The following CASP6 variants were observed in gnomAD, a reference collection of about 807,000 sequenced individuals.
CASP6 encodes the protein caspase 6.
A neutral mutation model predicts 31.8 loss-of-function variants in CASP6; 20 were observed. The ratio of observed to expected loss-of-function variants is 0.63; its 90% CI spans 0.44 to 0.91. The LOEUF is 0.91. Ranked by LOEUF, CASP6 falls within the 40% of genes least tolerant of loss-of-function variation. CASP6 has a pLI of 0.00. For missense variants in CASP6, 328 were observed against 361.1 expected, an observed-to-expected ratio of 0.91 and a Z score of 0.74; for synonymous variants, 130 against 127.8, an observed-to-expected ratio of 1.02 and a Z score of -0.12.
chr4:109,703,668 A>C (rs923039361), upstream of CASP6: 11 of 532,732 alleles, frequency 2.1e-5, no homozygotes, highest in Admixed American at 1.3e-4. Flanking sequence ...GCCCGCTGGG[A>C]CTAACCGTGC....
At chr4:109,696,576 G>A (rs1266802814) in intron 3 of CASP6, 90 bp from the exon 4 acceptor site, 16 of 796,760 alleles carry the variant, frequency 2.0e-5, no homozygotes, top group South Asian at 1.7e-4. Flanking sequence ...ACATTTTAAC[G>A]ACACATAAAT....
At chr4:109,705,844 G>A (rs1329581405), upstream of CASP6, among the ~76,000 whole-genome samples, 1 of 147,156 alleles carries the variant, frequency 6.8e-6, no homozygotes, top group Non-Finnish European at 1.5e-5. Context: ...GCCAAGAGTG[G>A]TGGCACATGC....
At chr4:109,684,843 G>T (rs544903627), downstream of CASP6, 2 of 496,372 alleles carry the variant, frequency 4.0e-6, no homozygotes, top group East Asian at 6.5e-5. Context: ...CTTCTTTGGA[G>T]AAGTAATTAG....
At chr4:109,693,897 C>A (rs1322443916) in intron 5 of CASP6, among the ~76,000 whole-genome samples, 2 of 151,912 alleles carry the variant, frequency 1.3e-5, no homozygotes, top group East Asian at 2.0e-4. Context: ...TGCCACCATG[C>A]CCAGCTAATT....
At chr4:109,670,582 G>A in the CASP6 span, among the ~76,000 whole-genome samples, 1 of 151,956 alleles carries the variant, frequency 6.6e-6, no homozygotes, top group Admixed American at 6.6e-5. Flanking sequence ...TGGGCATGGG[G>A]GCAGGTGCCT....
the CASP6 span, among the ~76,000 whole-genome samples, chr4:109,674,915 A>G: frequency 6.6e-6 from 1 of 152,274 alleles, no homozygotes; most frequent in Non-Finnish European, 1.5e-5. Context: ...CAAATTACCT[A>G]TAACGGATTT....
At chr4:109,687,567 TAGA>T (rs1289958094), downstream of CASP6, 4 of 1,610,488 alleles carry the variant, frequency 2.5e-6, no homozygotes, top group Non-Finnish European at 3.4e-6. Flanking sequence ...CAAATGCAAG[TAGA>T]AGAACTCAAT....
downstream of CASP6, chr4:109,685,105 A>G (rs1250903560): frequency 1.9e-6 from 1 of 534,760 alleles, no homozygotes; most frequent in South Asian, 3.0e-5. Flanking sequence ...GTGTTGGCTT[A>G]TGCTTACTCT....
At chr4:109,706,001 AATAT>A (rs58700813), upstream of CASP6, among the ~76,000 whole-genome samples, 2,653 of 31,554 alleles carry the variant, frequency 0.084, 137 homozygotes, top group South Asian at 0.098. Context: ...AAAAAAAAAA[AATAT>A]ATATATATAT....
At chr4:109,678,787 G>GA in the CASP6 span, among the ~76,000 whole-genome samples, 1 of 147,446 alleles carries the variant, frequency 6.8e-6, no homozygotes, top group South Asian at 2.2e-4. Context: ...CAGACGATGG[G>GA]TGGCCGGGCA....
intron 1 of CASP6, 96 bp from the exon 2 acceptor site, chr4:109,698,438 A>G: frequency 9.7e-7 from 1 of 1,030,690 alleles, no homozygotes; most frequent in Non-Finnish European, 1.4e-6. Context: ...CAAACTCTTA[A>G]GACCCTTCTG....
intron 2 of CASP6, 71 bp downstream of exon 2, chr4:109,698,225 TCTTG>T (rs1479100149): frequency 6.7e-7 from 1 of 1,489,138 alleles, no homozygotes; most frequent in African/African-American, 1.4e-5. Context: ...CAGGACCCAT[TCTTG>T]CTTTGATTTC....
chr4:109,690,046 G>A (rs556705394), intron 6 of CASP6, among the ~76,000 whole-genome samples: 71 of 151,698 alleles, frequency 4.7e-4, no homozygotes, highest in East Asian at 5.8e-4. Flanking sequence ...TTAGCTTGGC[G>A]TGGTGGCAGG....
At chr4:109,666,678 G>C in the CASP6 span, among the ~76,000 whole-genome samples, 1 of 152,184 alleles carries the variant, frequency 6.6e-6, no homozygotes, top group East Asian at 1.9e-4. Context: ...TTGGGATAAC[G>C]GTCTTGTATC....
the CASP6 span, among the ~76,000 whole-genome samples, chr4:109,680,781 C>A: frequency 1.3e-5 from 2 of 152,190 alleles, no homozygotes; most frequent in Admixed American, 1.3e-4. Flanking sequence ...AGACATATGT[C>A]TCTCTTGTCT....
upstream of CASP6, among the ~76,000 whole-genome samples, chr4:109,704,101 C>T (rs991252009): frequency 6.6e-6 from 1 of 152,222 alleles, no homozygotes; most frequent in African/African-American, 2.4e-5. Flanking sequence ...TCCCTTCTCT[C>T]TCCCCCTCCT....
At chr4:109,664,812 A>G in the CASP6 span, among the ~76,000 whole-genome samples, 1 of 152,182 alleles carries the variant, frequency 6.6e-6, no homozygotes, top group Non-Finnish European at 1.5e-5. Context: ...TTAGTCCCGT[A>G]TACTCTTTTT....
intron 5 of CASP6, among the ~76,000 whole-genome samples, chr4:109,691,344 C>T (rs2126156413): frequency 6.6e-6 from 1 of 152,276 alleles, no homozygotes; most frequent in South Asian, 2.1e-4. Flanking sequence ...GTGTTACCTT[C>T]CCTTTTGAAA....
intron 6 of CASP6, among the ~76,000 whole-genome samples, 167 bp from the exon 7 acceptor site, chr4:109,689,735 A>G (rs1185275324): frequency 6.6e-6 from 1 of 152,148 alleles, no homozygotes; most frequent in Non-Finnish European, 1.5e-5. Flanking sequence ...TTCAAATGGG[A>G]AAAGAGATTA....
Sources: gnomAD v4.1 joint callset for allele counts (sites outside exome capture counted in the v4.1 genomes callset) on GRCh38, gnomAD v4.1.1 for gene constraint, MANE v1.5 for transcripts, NCBI Gene and HGNC (gene_info 2026-07-23, HGNC 2026-07-21) for gene names.